The following FHIT variants were observed in gnomAD, a reference collection of about 807,000 sequenced individuals.
The protein encoded by FHIT is fragile histidine triad diadenosine triphosphatase, also known as bis(5'-adenosyl)-triphosphatase.
A neutral mutation model predicts 17.9 loss-of-function variants in FHIT; 19 were observed. That is an observed-to-expected ratio of 1.06 (90% confidence interval 0.74 to 1.56). The LOEUF is 1.56. Among genes scored for constraint, FHIT ranks in the 40% most tolerant of loss-of-function variants. The pLI, the probability that FHIT is intolerant of heterozygous loss-of-function variation, is 0.00. For missense variants in FHIT, 248 were observed against 189.2 expected (o/e 1.31, Z -1.82); for synonymous variants, 81 against 69.7 (o/e 1.16, Z -0.81).
chr3:61,107,563 C>A (rs961087093), intron 2 of FHIT, among the ~76,000 whole-genome samples: 26 of 152,158 alleles, frequency 1.7e-4, no homozygotes, highest in African/African-American at 6.3e-4. Flanking sequence ...AATGGCTGTA[C>A]TAATGTACAT....
intron 5 of FHIT, among the ~76,000 whole-genome samples, chr3:60,104,317 A>G (rs11130754): frequency 0.24 from 36,124 of 152,046 alleles, 4,445 homozygotes; most frequent in Middle Eastern, 0.34. Context: ...GCTTGGTATA[A>G]AGAATTCTAT....
At chr3:59,768,059 G>T (rs1701889459) in intron 8 of FHIT, among the ~76,000 whole-genome samples, 1 of 152,198 alleles carries the variant, frequency 6.6e-6, no homozygotes, top group African/African-American at 2.4e-5. Context: ...TGAGTCTTCT[G>T]CCATGTTGGA....
chr3:60,238,787 T>C (rs538865192), intron 5 of FHIT, among the ~76,000 whole-genome samples: 10 of 152,212 alleles, frequency 6.6e-5, no homozygotes, highest in Admixed American at 2.6e-4. Flanking sequence ...ACCCTGTTTT[T>C]CTCCCTTATC....
At chr3:61,068,359 AG>A (rs1300684004) in intron 2 of FHIT, among the ~76,000 whole-genome samples, 2 of 152,192 alleles carry the variant, frequency 1.3e-5, no homozygotes, top group African/African-American at 2.4e-5. Context: ...GAATTTCTAA[AG>A]GCCTTCCACA....
chr3:59,987,275 T>G (rs1709027195), intron 7 of FHIT, among the ~76,000 whole-genome samples: 1 of 151,610 alleles, frequency 6.6e-6, no homozygotes, highest in Non-Finnish European at 1.5e-5. Flanking sequence ...AGCTATTTCT[T>G]GTGATGAGCC....
intron 4 of FHIT, among the ~76,000 whole-genome samples, chr3:60,733,422 A>T (rs2107993039): frequency 6.6e-6 from 1 of 151,898 alleles, no homozygotes; most frequent in Admixed American, 6.6e-5. Context: ...CTGGTTTTTT[A>T]TTTGTGTGGT....
At chr3:60,021,026 T>C (rs1009284771) in intron 5 of FHIT, among the ~76,000 whole-genome samples, 19 of 152,216 alleles carry the variant, frequency 1.2e-4, no homozygotes, top group African/African-American at 4.1e-4. Flanking sequence ...AAAGGGTTCA[T>C]GGGATATTCA....
intron 4 of FHIT, among the ~76,000 whole-genome samples, chr3:60,689,973 C>T (rs782029012): frequency 5.3e-5 from 8 of 152,162 alleles, no homozygotes; most frequent in Non-Finnish European, 1.0e-4. Flanking sequence ...TTATTAACAA[C>T]CAGCCACTTC....
At chr3:59,757,887 C>T (rs967296047) in intron 8 of FHIT, among the ~76,000 whole-genome samples, 1 of 152,070 alleles carries the variant, frequency 6.6e-6, no homozygotes, top group Non-Finnish European at 1.5e-5. Flanking sequence ...TTCTATTCAA[C>T]CAAGTTTTGA....
chr3:60,993,400 T>C (rs1007108870), intron 3 of FHIT, among the ~76,000 whole-genome samples: 1 of 152,228 alleles, frequency 6.6e-6, no homozygotes, highest in Non-Finnish European at 1.5e-5. Flanking sequence ...CACACTTTAC[T>C]GCATTGTTCT....
intron 5 of FHIT, among the ~76,000 whole-genome samples, chr3:60,491,289 A>G (rs996339067): frequency 9.2e-5 from 14 of 152,120 alleles, no homozygotes; most frequent in African/African-American, 3.1e-4. Flanking sequence ...CTCTCTCCAC[A>G]CACCCACTCC....
At chr3:60,562,888 G>T (rs955944197) in intron 4 of FHIT, among the ~76,000 whole-genome samples, 2 of 152,094 alleles carry the variant, frequency 1.3e-5, no homozygotes, top group Admixed American at 6.6e-5. Context: ...ATAGACAAGG[G>T]CTGCTATTTA....
At chr3:60,182,165 C>T (rs1277288062) in intron 5 of FHIT, among the ~76,000 whole-genome samples, 1 of 152,138 alleles carries the variant, frequency 6.6e-6, no homozygotes, top group East Asian at 1.9e-4. Context: ...GCAATGAAGG[C>T]AACTAGAGGT....
chr3:60,459,621 C>T (rs2032332334), intron 5 of FHIT, among the ~76,000 whole-genome samples: 2 of 152,172 alleles, frequency 1.3e-5, no homozygotes, highest in African/African-American at 4.8e-5. Context: ...ATCTTCTAAA[C>T]AATAAAGCTG....
rs138436765 is a variant in FHIT, at chr3:60,690,831, T to C, written c.-18+131088A>G. 65 of 325,742 alleles carry C rather than the reference T, an allele frequency of 2.0e-4. 1 individual carries two copies. Among genetic ancestry groups the C allele is most frequent in the African/African-American group, 1.3e-3 (61 of 46,358 alleles). The allele number at this position is 325,742 out of a possible 1,614,324, so 20.2% of individuals were successfully genotyped here. On this transcript the variant is annotated intron_variant, in intron 4 of 9. Transcript: ENST00000492590. Reference sequence around the variant, plus strand: ...CTGGGCAGTGCTTCCTAAATGTTAGTATGTTTAAGAATCTCCTAGAGAGAC... The same window carrying C: ...CTGGGCAGTGCTTCCTAAATGTTAGCATGTTTAAGAATCTCCTAGAGAGAC...
At chr3:61,149,034 A>G (rs979127374) in intron 2 of FHIT, among the ~76,000 whole-genome samples, 4 of 152,240 alleles carry the variant, frequency 2.6e-5, no homozygotes, top group Non-Finnish European at 4.4e-5. Flanking sequence ...TTTAACAATT[A>G]AAACTTACGT....
At chr3:60,746,193 G>A (rs1009450284) in intron 4 of FHIT, among the ~76,000 whole-genome samples, 7 of 152,090 alleles carry the variant, frequency 4.6e-5, no homozygotes, top group African/African-American at 2.4e-5. Context: ...ACATGGTCTC[G>A]GTCCACAGGA....
intron 4 of FHIT, among the ~76,000 whole-genome samples, chr3:60,795,329 T>C (rs1700940250): frequency 1.3e-5 from 2 of 152,244 alleles, no homozygotes; most frequent in African/African-American, 4.8e-5. Flanking sequence ...CTTTGATAAC[T>C]GCTTCAGATT....
intron 5 of FHIT, among the ~76,000 whole-genome samples, chr3:60,361,189 A>G (rs1057461207): frequency 2.6e-5 from 4 of 152,210 alleles, no homozygotes; most frequent in Admixed American, 1.3e-4. Context: ...CATGCCTTTG[A>G]AAGTCCAGTG....
Sources: allele counts gnomAD v4.1 joint callset (sites outside exome capture counted in the v4.1 genomes callset), GRCh38; gene constraint gnomAD v4.1.1; transcripts MANE v1.5; gene names NCBI Gene and HGNC (gene_info 2026-07-23, HGNC 2026-07-21).